KIF1B: variants seen among roughly 807,000 people sequenced by gnomAD.
KIF1B encodes kinesin-like protein KIF1B.
In KIF1B, 76 loss-of-function variants were observed where a neutral mutation model predicts 241.9. That is an observed-to-expected ratio of 0.31 (90% CI 0.26 to 0.38). The LOEUF is 0.38. KIF1B is among the 10% of genes least tolerant of loss of function. KIF1B has a pLI of 1.00. For missense variants in KIF1B, 1,622 were observed against 2,271.4 expected (o/e 0.71, Z 5.81); for synonymous variants, 750 against 796.7 (o/e 0.94, Z 0.99).
chr1:10,313,562 T>G (rs112156737), intron 22 of KIF1B, among the ~76,000 whole-genome samples: 2 of 147,330 alleles, frequency 1.4e-5, no homozygotes, highest in East Asian at 2.0e-4. Context: ...TTTTTTTTTT[T>G]TTTTTTGAGA....
chr1:10,262,942 A>G (rs1370349059), intron 5 of KIF1B, among the ~76,000 whole-genome samples: 1 of 152,172 alleles, frequency 6.6e-6, no homozygotes, highest in Admixed American at 6.6e-5. Flanking sequence ...CATGAAGTCT[A>G]TAGAATTACT....
chr1:10,248,049 C>T (rs1647259978), intron 2 of KIF1B, among the ~76,000 whole-genome samples: 1 of 152,216 alleles, frequency 6.6e-6, no homozygotes, highest in African/African-American at 2.4e-5. Context: ...CCTAATAGGC[C>T]ATGGACAGTA....
In KIF1B at chr1:10,304,475, G is replaced by A. The variant is rs755449768; in HGVS notation, c.2115+7229G>A. 13 of 1,610,340 alleles carry A rather than the reference G, an allele frequency of 8.1e-6. No homozygotes were observed. The highest frequency in any genetic ancestry group is 5.3e-5 in the African/African-American group (4 of 74,784). On this transcript the variant is annotated intron_variant, in intron 22 of 48. Transcript: ENST00000676179. ...GCAAAGCGCCATATTCATCAACACC[G>A]TCAGTCTTACTGTAATTATAACACT...
Position 10,301,337 on chromosome 1 carries a change from A to AT in KIF1B, c.2115+4101dup, listed in dbSNP as rs545464798. Among the ~76,000 whole-genome samples, 39 of 149,838 alleles carry AT rather than the reference A, an allele frequency of 2.6e-4. 1 individual carries two copies. Among genetic ancestry groups the AT allele is most frequent in the Non-Finnish European group, 4.3e-4 (29 of 67,236 alleles). ...TGAACTACTCATCTGTGAGTTGAGTATTTTTTTTTTAAGTGAAAGCATGTT... is the reference window on the plus strand; with the variant it reads ...TGAACTACTCATCTGTGAGTTGAGTATTTTTTTTTTTAAGTGAAAGCATGTT... On this transcript the variant is annotated intron_variant, in intron 22 of 48. Transcript: ENST00000676179.
chr1:10,360,056 TAATAA>T (rs1217160487), intron 38 of KIF1B, among the ~76,000 whole-genome samples: 8 of 150,096 alleles, frequency 5.3e-5, no homozygotes, highest in South Asian at 2.1e-4. Flanking sequence ...AATAAAAAAA[TAATAA>T]AATAAAATAA....
At chr1:10,259,749 C>T (rs539762783) in intron 4 of KIF1B, among the ~76,000 whole-genome samples, 3 of 152,008 alleles carry the variant, frequency 2.0e-5, no homozygotes, top group African/African-American at 4.8e-5. Context: ...ATCCGCCCAC[C>T]TCCGCCTCCC....
intron 1 of KIF1B, among the ~76,000 whole-genome samples, chr1:10,217,687 C>T (rs1416175507): frequency 2.6e-5 from 4 of 151,996 alleles, no homozygotes; most frequent in Admixed American, 6.6e-5. Flanking sequence ...TTACCTCTTT[C>T]AAGTCTTTGC....
chr1:10,315,808 C>T (rs1651278036), intron 22 of KIF1B, among the ~76,000 whole-genome samples: 1 of 151,208 alleles, frequency 6.6e-6, no homozygotes, highest in South Asian at 2.1e-4. Flanking sequence ...CTAATCCCAG[C>T]GCTTTGGGAG....
chr1:10,365,119 A>G lies in KIF1B; in HGVS notation c.4386A>G (p.Arg1462=). 1 of 1,614,148 alleles carries G rather than the reference A, an allele frequency of 6.2e-7. No homozygotes were observed. The highest frequency in any genetic ancestry group is 1.3e-5 in the African/African-American group (1 of 75,020). The change falls in exon 42 of 49, where the codon AGA becomes AGG. Residue 1462 remains arginine, a synonymous_variant. Transcript: ENST00000676179. This position sits in a 1 kb window ranked among gnomAD's most constrained non-coding sequence, Gnocchi z 4.0. ...TCTTAGGTATGCAGAGAAGGAGAAG[A>G]AAAATCTTAGATACGTCAGTGGCAT... The part of the protein sequence containing the change: ...TGSPGMQRRR[R]KILDTSVAYV...
chr1:10,214,718 G>T (rs532535559), intron 1 of KIF1B, among the ~76,000 whole-genome samples: 1 of 151,488 alleles, frequency 6.6e-6, no homozygotes, highest in Non-Finnish European at 1.5e-5. Flanking sequence ...GAGCAGCTGG[G>T]ACTACAGGTG....
In KIF1B at chr1:10,272,901, G is replaced by T. The variant is rs367899044; in HGVS notation, c.865-113G>T. The stretch of plus-strand genomic sequence containing the variant: ...GCTAAGAAGAATGAAATGCTTTCTT[G>T]CTTGCCTTGGAGAAATCATAATCTA... On this transcript the variant is annotated intron_variant, in intron 9 of 48. Coordinates refer to ENST00000676179, the MANE Select transcript of KIF1B (RefSeq NM_001365951.3). The T allele has an allele frequency of 1.7e-5, 14 of 836,962 alleles. No individual in the cohort carries two copies. The African/African-American group carries it at 1.7e-4, about 10-fold the overall frequency. 51.8% of individuals were successfully genotyped at this position (836,962 alleles called of 1,614,324 possible). A position where few individuals can be genotyped will look rare whatever the true frequency, so the allele number is the denominator to read the frequency against.
intron 22 of KIF1B, chr1:10,307,163 AT>A: frequency 9.7e-7 from 1 of 1,030,126 alleles, no homozygotes; most frequent in Non-Finnish European, 1.2e-6. Flanking sequence ...ACTGCCATGT[AT>A]GTCCCATGAT....
At chr1:10,266,844 C>T (rs1648489344) in intron 5 of KIF1B, among the ~76,000 whole-genome samples, 1 of 152,164 alleles carries the variant, frequency 6.6e-6, no homozygotes, top group Non-Finnish European at 1.5e-5. Flanking sequence ...AAGGCTGGTT[C>T]TAACCTATTC....
chr1:10,307,975 ATTGAAGTGAC>A, intron 22 of KIF1B: 1 of 1,055,530 alleles, frequency 9.5e-7, no homozygotes, highest in Non-Finnish European at 1.1e-6. Flanking sequence ...TGTTTATTAC[ATTGAAGTGAC>A]TTGAAGTGAC....
chr1:10,232,695 A>C (rs1646998364), intron 2 of KIF1B, among the ~76,000 whole-genome samples: 1 of 152,174 alleles, frequency 6.6e-6, no homozygotes, highest in Non-Finnish European at 1.5e-5. Flanking sequence ...ATTAAGTTGA[A>C]ATTTTAATGA....
At chr1:10,245,338 T>G (rs1647195358) in intron 2 of KIF1B, among the ~76,000 whole-genome samples, 1 of 152,214 alleles carries the variant, frequency 6.6e-6, no homozygotes, top group African/African-American at 2.4e-5. Context: ...AAAGAGAAGA[T>G]GGTCAGTTGT....
chr1:10,291,134 G>A lies in KIF1B; in HGVS notation c.1487G>A (p.Arg496His), dbSNP rs1418377932. 9 of 1,613,044 alleles carry A rather than the reference G, an allele frequency of 5.6e-6. No individual in the cohort carries two copies. The highest frequency in any genetic ancestry group is 1.7e-5 in the Admixed American group (1 of 60,006). The stretch of plus-strand genomic sequence containing the variant: ...AATGAAACTTGGGAAGAGAAGCTTC[G>A]TAAAACAGAGGCCATCAGAATGGAG... ...ELNETWEEKL[R>H]KTEAIRMERE... The change falls in exon 16 of 49, where the codon CGT (arginine) becomes CAT (histidine). Residue 496 changes from arginine to histidine, a missense_variant. Physicochemically the swap from Arg to His is conservative, Grantham distance 29. Transcript: ENST00000676179.
intron 34 of KIF1B, 93 bp from the exon 35 acceptor site, chr1:10,345,751 CA>C: frequency 1.1e-6 from 1 of 892,006 alleles, no homozygotes; most frequent in Non-Finnish European, 1.8e-6. Context: ...CTGCCTTTCC[CA>C]AGTATGTCTT....
At chr1:10,314,560 C>T (rs550617002) in intron 22 of KIF1B, among the ~76,000 whole-genome samples, 12 of 151,364 alleles carry the variant, frequency 7.9e-5, no homozygotes, top group Non-Finnish European at 1.5e-4. Flanking sequence ...ACTGGGACTA[C>T]ATATGCCCTC....
Sources: allele counts gnomAD v4.1 joint callset (sites outside exome capture counted in the v4.1 genomes callset), GRCh38; gene constraint gnomAD v4.1.1; non-coding constraint Gnocchi (gnomAD v3.1); transcripts MANE v1.5; gene names NCBI Gene and HGNC (gene_info 2026-07-23, HGNC 2026-07-21).